Variants in IFT80 observed in about 807,000 individuals in gnomAD.
IFT80 encodes the protein intraflagellar transport 80.
In IFT80, 79 loss-of-function variants were observed where a neutral mutation model predicts 107.9. The ratio of observed to expected loss-of-function variants is 0.73; its 90% CI spans 0.61 to 0.88. IFT80 has a LOEUF of 0.88. IFT80 is among the 40% of genes least tolerant of loss of function. The pLI, the probability that IFT80 is intolerant of heterozygous loss-of-function variation, is 0.00. For missense variants in IFT80, 797 were observed against 914.2 expected, an observed-to-expected ratio of 0.87 and a Z score of 1.65; for synonymous variants, 299 against 300.9, an observed-to-expected ratio of 0.99 and a Z score of 0.07.
intron 1 of IFT80, among the ~76,000 whole-genome samples, chr3:160,397,517 A>G (rs1417163064): frequency 1.3e-5 from 2 of 152,220 alleles, no homozygotes; most frequent in African/African-American, 4.8e-5. Context: ...CATGTGCTAG[A>G]TGAACAATCA....
At chr3:160,339,997 A>T (rs947988006) in intron 8 of IFT80, among the ~76,000 whole-genome samples, 1 of 152,156 alleles carries the variant, frequency 6.6e-6, no homozygotes, top group African/African-American at 2.4e-5. Flanking sequence ...GGTGTTCTAC[A>T]ACTAGCCAAA....
Position 160,288,160 on chromosome 3 carries a change from T to A in IFT80, c.1316-2292A>T, listed in dbSNP as rs368085331. On this transcript the variant is annotated intron_variant, in intron 12 of 19. Transcript: ENST00000326448. Reference sequence around the variant, plus strand: ...GAGATCGAGACCATCCTGGCTACGATGTCTCTACTAAAAATACAAAAAATT... The same window carrying A: ...GAGATCGAGACCATCCTGGCTACGAAGTCTCTACTAAAAATACAAAAAATT... Among the ~76,000 whole-genome samples, 108 of 152,130 alleles carry A rather than the reference T, an allele frequency of 7.1e-4. 1 individual carries two copies. The highest frequency in any genetic ancestry group is 3.4e-3 in the Middle Eastern group (1 of 294).
chr3:160,358,883 T>C (rs900982598), intron 6 of IFT80, among the ~76,000 whole-genome samples: 36 of 152,194 alleles, frequency 2.4e-4, no homozygotes, highest in African/African-American at 8.2e-4. Flanking sequence ...AGAAACTATG[T>C]TCTGTTTCAT....
chr3:160,282,739 A>G (rs1267360223), intron 13 of IFT80, 126 bp from the exon 14 acceptor site: 1 of 664,708 alleles, frequency 1.5e-6, no homozygotes, highest in African/African-American at 1.8e-5. Flanking sequence ...ATAATGATAA[A>G]ATGTCCCTGT....
chr3:160,331,304 A>G (rs1030357413), intron 8 of IFT80, among the ~76,000 whole-genome samples: 2 of 152,186 alleles, frequency 1.3e-5, no homozygotes, highest in Non-Finnish European at 2.9e-5. Context: ...GGGATGATTC[A>G]TGTCCTGGGA....
At chr3:160,330,704 T>C (rs535291964) in intron 8 of IFT80, among the ~76,000 whole-genome samples, 1 of 152,216 alleles carries the variant, frequency 6.6e-6, no homozygotes, top group South Asian at 2.1e-4. Context: ...ACTGGGCCAA[T>C]GACCACACTC....
chr3:160,337,199 C>T lies in IFT80; in HGVS notation c.778-17260G>A, dbSNP rs189648862. On this transcript the variant is annotated intron_variant, in intron 8 of 19. Coordinates refer to ENST00000326448, the MANE Select transcript of IFT80 (RefSeq NM_020800.3). ...TGAATATAAAATGCTCACAATCAGT[C>T]CTGATTTTACTATGTCCCTAGTCAT... Among the ~76,000 whole-genome samples the T allele has an allele frequency of 3.9e-5, 6 of 152,288 alleles. No homozygotes were observed. In the East Asian group the frequency reaches 9.6e-4, roughly 24 times the overall value.
chr3:160,392,329 C>A (rs1713445952), intron 1 of IFT80, among the ~76,000 whole-genome samples: 1 of 152,210 alleles, frequency 6.6e-6, no homozygotes, highest in Non-Finnish European at 1.5e-5. Flanking sequence ...TAAATATATT[C>A]ACCATATAGT....
At chr3:160,269,247 T>C (rs1713611482) in intron 18 of IFT80, among the ~76,000 whole-genome samples, 1 of 151,294 alleles carries the variant, frequency 6.6e-6, no homozygotes, top group Non-Finnish European at 1.5e-5. Flanking sequence ...AAAGAAAATA[T>C]TTTTGAAATC....
chr3:160,393,863 G>C (rs561951249), intron 1 of IFT80, among the ~76,000 whole-genome samples: 1 of 152,230 alleles, frequency 6.6e-6, no homozygotes, highest in South Asian at 2.1e-4. Context: ...AGAAATTCAA[G>C]AGCTAGATCA....
chr3:160,340,657 C>T (rs1312251987), intron 8 of IFT80, among the ~76,000 whole-genome samples: 11 of 152,240 alleles, frequency 7.2e-5, no homozygotes, highest in Admixed American at 7.2e-4. Flanking sequence ...GCAGGTGCAG[C>T]TGCTCTTACT....
intron 19 of IFT80, among the ~76,000 whole-genome samples, chr3:160,263,963 G>T (rs577797435): frequency 6.6e-6 from 1 of 152,074 alleles, no homozygotes; most frequent in Non-Finnish European, 1.5e-5. Flanking sequence ...GAGCCACTGC[G>T]TCCAGCCTAT....
intron 8 of IFT80, among the ~76,000 whole-genome samples, chr3:160,322,631 A>T (rs1276951567): frequency 2.0e-5 from 3 of 152,112 alleles, no homozygotes; most frequent in Non-Finnish European, 2.9e-5. Flanking sequence ...ACAAGGGTTG[A>T]ACTAGTTTAC....
chr3:160,368,052 T>C (rs1344247410), intron 5 of IFT80, among the ~76,000 whole-genome samples: 1 of 151,880 alleles, frequency 6.6e-6, no homozygotes, highest in Admixed American at 6.6e-5. Context: ...TGACTTTCTG[T>C]GAATCAACGA....
Position 160,369,034 on chromosome 3 carries a change from T to C in IFT80, c.440-2882A>G, listed in dbSNP as rs1045133359. Among the ~76,000 whole-genome samples, 3 of 152,072 alleles carry C rather than the reference T, an allele frequency of 2.0e-5. No individual in the cohort carries two copies. The South Asian group carries it at 6.2e-4, about 31-fold the overall frequency. Reference sequence around the variant, plus strand: ...AGTCCTCTTAACTTTAACATTTAATTTGTGGTCCCATTAAGTCAGCTATGA... The same window carrying C: ...AGTCCTCTTAACTTTAACATTTAATCTGTGGTCCCATTAAGTCAGCTATGA... On this transcript the variant is annotated intron_variant, in intron 5 of 19. Coordinates refer to ENST00000326448, the MANE Select transcript of IFT80 (RefSeq NM_020800.3).
rs932334346 is a variant in IFT80, at chr3:160,257,285, C to T, written c.*1240G>A. Reference sequence around the variant, plus strand: ...GGGTTAAGAGAGGTAATCTCTCTATCCCTTTGTGTGTGTGTGTATATATAT... The same window carrying T: ...GGGTTAAGAGAGGTAATCTCTCTATTCCTTTGTGTGTGTGTGTATATATAT... On this transcript the variant is annotated 3_prime_UTR_variant, in exon 20 of 20. Coordinates refer to ENST00000326448, the MANE Select transcript of IFT80 (RefSeq NM_020800.3). The T allele has an allele frequency of 1.3e-5, 2 of 152,000 alleles. No homozygotes were observed. The highest frequency in any genetic ancestry group is 2.4e-5 in the African/African-American group (1 of 41,398). 9.4% of individuals were successfully genotyped at this position (152,000 alleles called of 1,614,324 possible).
intron 5 of IFT80, among the ~76,000 whole-genome samples, chr3:160,374,851 A>T (rs988352100): frequency 6.6e-6 from 1 of 152,198 alleles, no homozygotes; most frequent in Non-Finnish European, 1.5e-5. Flanking sequence ...TACTTCTATG[A>T]ACTCTGAATT....
intron 8 of IFT80, among the ~76,000 whole-genome samples, chr3:160,336,547 TTTTA>T (rs1719477938): frequency 6.6e-6 from 1 of 152,102 alleles, no homozygotes; most frequent in Non-Finnish European, 1.5e-5. Context: ...GATAACAATT[TTTTA>T]TTTTTGTTTT....
chr3:160,372,439 T>C (rs1361334491), intron 5 of IFT80, among the ~76,000 whole-genome samples: 1 of 152,198 alleles, frequency 6.6e-6, no homozygotes, highest in Non-Finnish European at 1.5e-5. Context: ...GGACCTTTCC[T>C]TTTGGGTTAC....
Sources: gnomAD v4.1 joint callset for allele counts (sites outside exome capture counted in the v4.1 genomes callset) on GRCh38, gnomAD v4.1.1 for gene constraint, MANE v1.5 for transcripts, NCBI Gene and HGNC (gene_info 2026-07-23, HGNC 2026-07-21) for gene names.